LRCH1: variants seen among roughly 807,000 people sequenced by gnomAD.
LRCH1 encodes the protein leucine rich repeats and calponin homology domain containing 1, also known as leucine-rich repeat and calponin homology domain-containing protein 1.
A neutral mutation model predicts 94.9 loss-of-function variants in LRCH1; 23 were observed. The ratio of observed to expected loss-of-function variants is 0.24; its 90% CI spans 0.17 to 0.34. The LOEUF (loss-of-function observed/expected upper bound fraction) is 0.34. LRCH1 is among the 10% of genes least tolerant of loss of function. The pLI is 1.00. For synonymous variants in LRCH1, 364 were observed against 354.9 expected (o/e 1.03, Z -0.29); for missense variants, 790 against 945.9 (o/e 0.84, Z 2.16).
In LRCH1 at chr13:46,561,359, G is replaced by C. The variant is rs571466066; in HGVS notation, c.307+7656G>C. On this transcript the variant is annotated intron_variant, in intron 1 of 19. Transcript: ENST00000389797. The stretch of plus-strand genomic sequence containing the variant: ...TCTGCTGGAGGGGGACCTAACACAG[G>C]TGTGGGATGAAACTGAGCAGGAGCC... Among the ~76,000 whole-genome samples the C allele has an allele frequency of 8.5e-5, 13 of 152,280 alleles. No individual in the cohort carries two copies. The South Asian group carries it at 2.7e-3, about 32-fold the overall frequency.
intron 2 of LRCH1, among the ~76,000 whole-genome samples, chr13:46,650,740 A>G (rs1361015738): frequency 2.0e-5 from 3 of 147,280 alleles, no homozygotes; most frequent in Admixed American, 6.8e-5. Context: ...AAAAAAAAAA[A>G]AAGAGAAAGC....
rs563273234 is a variant in LRCH1, at chr13:46,562,557, T to C, written c.307+8854T>C. ...GACCTCATGTAATCTTCATTACTTC[T>C]TTAAAGACTTTGTCTCTAAATACAG... On this transcript the variant is annotated intron_variant, in intron 1 of 19. Transcript: ENST00000389797. 2.0e-5 allele frequency among the ~76,000 whole-genome samples: 3 copies of C among 152,374 alleles called. 1 individual carries two copies. In the South Asian group the frequency reaches 6.2e-4, roughly 32 times the overall value.
At chr13:46,733,804 C>A in intron 18 of LRCH1, 117 bp from the exon 19 acceptor site, 1 of 578,882 alleles carries the variant, frequency 1.7e-6, no homozygotes. Flanking sequence ...GTGTTATTTT[C>A]TTTTGCTCCA....
intron 18 of LRCH1, 106 bp from the exon 19 acceptor site, chr13:46,733,815 A>G: frequency 1.6e-6 from 1 of 614,688 alleles, no homozygotes; most frequent in Non-Finnish European, 2.8e-6. Flanking sequence ...TTTTGCTCCA[A>G]TAAACATGTA....
At chr13:46,703,544 G>C (rs561044656) in intron 11 of LRCH1, among the ~76,000 whole-genome samples, 1 of 152,252 alleles carries the variant, frequency 6.6e-6, no homozygotes, top group South Asian at 2.1e-4. Context: ...TAAGAGACAA[G>C]AAGACGTGAA....
chr13:46,666,273 C>T (rs2051514473), intron 2 of LRCH1, among the ~76,000 whole-genome samples: 3 of 152,218 alleles, frequency 2.0e-5, no homozygotes, highest in African/African-American at 4.8e-5. Flanking sequence ...TGAATGTTTT[C>T]ACAAGCTTAA....
rs1288570749 is a variant in LRCH1, at chr13:46,735,788, C to CTTTTTTTTTTTTTTTTTTTTTTTTTT, written c.2085+1794_2085+1795insTTTTTTTTTTTTTTTTTTTTTTTTTT. On this transcript the variant is annotated intron_variant, in intron 19 of 19. Transcript: ENST00000389797. ...AGGTGATTTTCCTTTTTTTCTTTTT[C>CTTTTTTTTTTTTTTTTTTTTTTTTTT]TTTTCTTTTTTTTTTTTTTTTCGAG... Among the ~76,000 whole-genome samples, 2 of 69,916 alleles carry CTTTTTTTTTTTTTTTTTTTTTTTTTT rather than the reference C, an allele frequency of 2.9e-5. 1 individual carries two copies. The allele number at this position is 69,916 out of a possible 152,430, so 45.9% of individuals were successfully genotyped here. A position where few individuals can be genotyped will look rare whatever the true frequency, so the allele number is the denominator to read the frequency against.
chr13:46,680,841 A>G (rs2051740743), intron 3 of LRCH1, among the ~76,000 whole-genome samples: 1 of 152,296 alleles, frequency 6.6e-6, no homozygotes, highest in African/African-American at 2.4e-5. Flanking sequence ...CGCTCTGTGA[A>G]GGATGCATCC....
At chr13:46,635,234 G>A (rs1219376313) in intron 1 of LRCH1, among the ~76,000 whole-genome samples, 2 of 152,142 alleles carry the variant, frequency 1.3e-5, no homozygotes, top group Non-Finnish European at 2.9e-5. Flanking sequence ...AGACTTTCCC[G>A]CAGTCTGTTC....
rs1013786226 is a variant in LRCH1, at chr13:46,743,577, A to G, written c.*1729A>G. On this transcript the variant is annotated 3_prime_UTR_variant, in exon 20 of 20. Coordinates refer to ENST00000389797, the MANE Select transcript of LRCH1 (RefSeq NM_001164211.2). ...CACCCTGAGCCATAAATTGCTTAAT[A>G]AACACATTTTGGGTGATTATTCCAA... 3 of 985,832 alleles carry G rather than the reference A, an allele frequency of 3.0e-6. No homozygotes were observed. Among genetic ancestry groups the G allele is most frequent in the Non-Finnish European group, 3.6e-6 (3 of 829,934 alleles). 61.1% of individuals were successfully genotyped at this position (985,832 alleles called of 1,614,324 possible).
intron 3 of LRCH1, 52 bp downstream of exon 3, chr13:46,669,208 C>T: frequency 6.3e-7 from 1 of 1,597,210 alleles, no homozygotes; most frequent in East Asian, 2.2e-5. Flanking sequence ...CTGATCATAG[C>T]CTCTCAAGGT....
chr13:46,565,645 T>C (rs2050174357), intron 1 of LRCH1, among the ~76,000 whole-genome samples: 1 of 151,808 alleles, frequency 6.6e-6, no homozygotes, highest in South Asian at 2.1e-4. Context: ...GACCCGTCTC[T>C]ACTAAAAATA....
intron 1 of LRCH1, among the ~76,000 whole-genome samples, chr13:46,589,439 C>T (rs977979439): frequency 1.3e-5 from 2 of 151,964 alleles, no homozygotes; most frequent in South Asian, 2.1e-4. Flanking sequence ...ATCTGGTATC[C>T]AGTCCATATT....
chr13:46,594,702 T>A (rs763043519), intron 1 of LRCH1, among the ~76,000 whole-genome samples: 2 of 152,234 alleles, frequency 1.3e-5, no homozygotes, highest in African/African-American at 2.4e-5. Context: ...AGTTCATAAG[T>A]AGGAACTGCT....
chr13:46,652,397 T>TG (rs1444562609), intron 2 of LRCH1, among the ~76,000 whole-genome samples: 1 of 150,734 alleles, frequency 6.6e-6, no homozygotes, highest in Admixed American at 6.6e-5. Context: ...TTTTTTTTGT[T>TG]TTTTTTTTTG....
chr13:46,701,600 G>A (rs2138181327), intron 11 of LRCH1, among the ~76,000 whole-genome samples: 1 of 152,308 alleles, frequency 6.6e-6, no homozygotes, highest in Non-Finnish European at 1.5e-5. Context: ...ATATCAAGTA[G>A]TACTGTATTT....
rs1284645817 is a variant in LRCH1, at chr13:46,578,971, A to ACCTAAGGC, written c.307+25270_307+25277dup. 1.1e-3 allele frequency among the ~76,000 whole-genome samples: 174 copies of ACCTAAGGC among 152,186 alleles called. 1 individual carries two copies. The highest frequency in any genetic ancestry group is 4.0e-3 in the African/African-American group (164 of 41,514). On this transcript the variant is annotated intron_variant, in intron 1 of 19. Coordinates refer to ENST00000389797, the MANE Select transcript of LRCH1 (RefSeq NM_001164211.2). Reference sequence around the variant, plus strand: ...GCAACCTCTCAACTCTTCAGACAAGACCTAAGGCCGACAAAATTCACTCCC... The same window carrying ACCTAAGGC: ...GCAACCTCTCAACTCTTCAGACAAGACCTAAGGCCCTAAGGCCGACAAAATTCACTCCC...
rs267603839 is a variant in LRCH1, at chr13:46,741,756, C to T, written c.2200C>T (p.Arg734Cys). Residue 734 changes from arginine (R) to cysteine (C), a missense_variant, in exon 20 of 20, where the codon CGC becomes TGC. Arg to Cys is a radical substitution (Grantham distance 180, BLOSUM62 -3). Around this residue, in one of 3 missense-constraint regions of LRCH1, gnomAD observed 460 missense variants for 508.9 expected, o/e 0.90. Coordinates refer to ENST00000389797, the MANE Select transcript of LRCH1 (RefSeq NM_001164211.2). ...AGCCCCACCACCAACTTCTGCCCTC[C>T]GCTCCAGGGACCTTATAGGCTTCTG... ...EKAPPPTSAL[R>C]SRDLIGFCLV... 35 of 1,614,090 alleles carry T rather than the reference C, an allele frequency of 2.2e-5. No homozygotes were observed. Among genetic ancestry groups the T allele is most frequent in the South Asian group, 5.5e-5 (5 of 91,086 alleles).
intron 19 of LRCH1, among the ~76,000 whole-genome samples, chr13:46,737,000 A>G (rs1284313121): frequency 3.3e-5 from 5 of 152,236 alleles, no homozygotes; most frequent in African/African-American, 1.2e-4. Flanking sequence ...TAGTTAAATT[A>G]TTACATGTAA....
Sources: gnomAD v4.1 joint callset for allele counts (sites outside exome capture counted in the v4.1 genomes callset) on GRCh38, gnomAD v4.1.1 for gene constraint, gnomAD v4.1.1 regional missense constraint, MANE v1.5 for transcripts, NCBI Gene and HGNC (gene_info 2026-07-23, HGNC 2026-07-21) for gene names.